Variants in OLAH observed in about 807,000 individuals in gnomAD.
OLAH encodes the protein S-acyl fatty acid synthase thioesterase, medium chain.
Under a neutral mutation model 27.8 loss-of-function variants are expected in OLAH, and 33 were observed. The observed-to-expected ratio is 1.19, with a 90% CI of 0.90 to 1.59. The LOEUF is 1.59. OLAH is among the 40% of genes most tolerant of loss of function. OLAH has a pLI of 0.00. For missense variants in OLAH, 359 were observed against 310.8 expected (o/e 1.16, Z -1.17); for synonymous variants, 120 against 102.9 (o/e 1.17, Z -1.01).
intron 1 of OLAH, among the ~76,000 whole-genome samples, chr10:15,045,055 T>C (rs1294504931): frequency 6.6e-6 from 1 of 152,162 alleles, no homozygotes; most frequent in Non-Finnish European, 1.5e-5. Context: ...AATGAAAGCA[T>C]CTAGAGGTTT....
chr10:15,066,604 ATTTTATTTATTT>A (rs1844472235), intron 6 of OLAH, among the ~76,000 whole-genome samples: 1 of 145,324 alleles, frequency 6.9e-6, no homozygotes, highest in Admixed American at 7.0e-5. Flanking sequence ...TCCTATTTTT[ATTTTATTTATTT>A]ATTTATTTAT....
intron 7 of OLAH, 69 bp from the exon 8 acceptor site, chr10:15,073,018 A>G (rs2131385637): frequency 6.9e-7 from 1 of 1,456,844 alleles, no homozygotes; most frequent in South Asian, 1.2e-5. Flanking sequence ...TCTTAAAGAA[A>G]TGATGTCTTG....
intron 1 of OLAH, among the ~76,000 whole-genome samples, chr10:15,035,266 G>C (rs775441219): frequency 4.6e-5 from 7 of 152,188 alleles, no homozygotes; most frequent in Non-Finnish European, 1.0e-4. Flanking sequence ...CCCGAGGCTG[G>C]TGCCAAACAG....
upstream of OLAH, among the ~76,000 whole-genome samples, chr10:15,042,221 G>A (rs1843932288): frequency 6.6e-6 from 1 of 151,678 alleles, no homozygotes; most frequent in African/African-American, 2.4e-5. Context: ...ACGTGATCTC[G>A]GCTCACTGCA....
intron 1 of OLAH, among the ~76,000 whole-genome samples, chr10:15,034,061 G>A (rs896207001): frequency 7.2e-5 from 11 of 151,826 alleles, no homozygotes; most frequent in African/African-American, 2.2e-4. Context: ...AGAGAAAGAG[G>A]TGGGGGAAGG....
At chr10:15,048,847 A>G (rs1844073063) in intron 2 of OLAH, among the ~76,000 whole-genome samples, 1 of 152,034 alleles carries the variant, frequency 6.6e-6, no homozygotes, top group Non-Finnish European at 1.5e-5. Flanking sequence ...TATTTTTGTA[A>G]TCCCAGCACT....
At chr10:15,071,347 G>A (rs1163733272) in intron 6 of OLAH, among the ~76,000 whole-genome samples, 1 of 152,214 alleles carries the variant, frequency 6.6e-6, no homozygotes, top group East Asian at 1.9e-4. Context: ...GGCAGGGACT[G>A]TGTTTGTTTC....
intron 3 of OLAH, among the ~76,000 whole-genome samples, chr10:15,050,144 G>A (rs180801486): frequency 7.1e-4 from 108 of 152,294 alleles, no homozygotes; most frequent in Non-Finnish European, 1.1e-3. Flanking sequence ...AAATCCAGGC[G>A]CAGTGGCGCA....
upstream of OLAH, among the ~76,000 whole-genome samples, chr10:15,039,112 G>C (rs1474641883): frequency 6.6e-6 from 1 of 151,990 alleles, no homozygotes; most frequent in African/African-American, 2.4e-5. Flanking sequence ...TCTAGTCCTA[G>C]TTACTCGGGA....
At position 15,073,171 on chromosome 10, in the gene OLAH, A is replaced by C; in HGVS notation, c.740A>C (p.Lys247Thr). The C allele has an allele frequency of 6.2e-7, 1 of 1,611,028 alleles. No individual in the cohort carries two copies. The highest frequency in any genetic ancestry group is 8.5e-7 in the Non-Finnish European group (1 of 1,177,294). Residue 247 changes from lysine to threonine, a missense_variant, in exon 8 of 8, where the codon AAA becomes ACA. Coordinates refer to ENST00000378228, the MANE Select transcript of OLAH (RefSeq NM_001039702.3). ...TATCTTCTGGATCCTGCGAACGAGAAATTAATCAAGAACTACATAATCAAG... is the reference window on the plus strand; with the variant it reads ...TATCTTCTGGATCCTGCGAACGAGACATTAATCAAGAACTACATAATCAAG... The part of the protein sequence containing the change: ...HFYLLDPANE[K>T]LIKNYIIKCL...
chr10:15,065,155 G>A lies in OLAH; in HGVS notation c.403-429G>A, dbSNP rs542641835. On this transcript the variant is annotated intron_variant, in intron 5 of 7. Transcript: ENST00000378228. Reference sequence around the variant, plus strand: ...CTTTTTCCTTCATTGTGGGTCAGCTGGGAACTTAACCAACTTTGAGCAAAG... The same window carrying A: ...CTTTTTCCTTCATTGTGGGTCAGCTAGGAACTTAACCAACTTTGAGCAAAG... Among the ~76,000 whole-genome samples the A allele has an allele frequency of 3.9e-5, 6 of 152,264 alleles. No homozygotes were observed. In the East Asian group the frequency reaches 7.7e-4, roughly 20 times the overall value.
intron 6 of OLAH, among the ~76,000 whole-genome samples, chr10:15,070,270 A>G (rs1371681756): frequency 2.0e-5 from 3 of 151,576 alleles, no homozygotes; most frequent in Admixed American, 1.3e-4. Context: ...GGCCTATCAC[A>G]TACACTTGGT....
chr10:15,068,666 C>G (rs2400120), intron 6 of OLAH, among the ~76,000 whole-genome samples: 103,251 of 152,070 alleles, frequency 0.68, 35,541 homozygotes, highest in East Asian at 0.98. Context: ...AAAGTGCTGG[C>G]ATTACAGGCA....
chr10:15,064,727 G>A (rs1176213523), intron 5 of OLAH, among the ~76,000 whole-genome samples: 1 of 152,192 alleles, frequency 6.6e-6, no homozygotes, highest in Non-Finnish European at 1.5e-5. Context: ...GCACGATCTT[G>A]TCTCACTGCA....
chr10:15,072,818 T>C (rs995433867), intron 7 of OLAH, among the ~76,000 whole-genome samples: 4 of 151,954 alleles, frequency 2.6e-5, no homozygotes, highest in Admixed American at 6.6e-5. Context: ...GGAACGTTTC[T>C]GGTTGGAGAT....
At chr10:15,056,711 G>C (rs1844252150) in intron 3 of OLAH, 1 of 1,159,098 alleles carries the variant, frequency 8.6e-7, no homozygotes, top group Non-Finnish European at 1.1e-6. Context: ...GCTCATTGCA[G>C]CCTTAACTTT....
At chr10:15,042,099 A>G (rs1314483960), upstream of OLAH, among the ~76,000 whole-genome samples, 1 of 152,008 alleles carries the variant, frequency 6.6e-6, no homozygotes, top group East Asian at 1.9e-4. Context: ...GAGTATGCAC[A>G]ACTCCCAACC....
chr10:15,066,790 G>A (rs552186655), intron 6 of OLAH, among the ~76,000 whole-genome samples: 5 of 151,976 alleles, frequency 3.3e-5, no homozygotes, highest in South Asian at 2.1e-4. Context: ...ACAGGCACCC[G>A]CCACCACACC....
At chr10:15,054,039 A>AC (rs749848014) in intron 3 of OLAH, among the ~76,000 whole-genome samples, 2 of 129,156 alleles carry the variant, frequency 1.5e-5, no homozygotes, top group African/African-American at 5.8e-5. Flanking sequence ...CCTCTTAAGC[A>AC]TTTTTTTTTT....
Sources: gnomAD v4.1 joint callset for allele counts (sites outside exome capture counted in the v4.1 genomes callset) on GRCh38, gnomAD v4.1.1 for gene constraint, MANE v1.5 for transcripts, NCBI Gene and HGNC (gene_info 2026-07-23, HGNC 2026-07-21) for gene names.